MYO3A: variants seen among roughly 807,000 people sequenced by gnomAD.
MYO3A encodes myosin-IIIa.
In MYO3A, 180 loss-of-function variants were observed where a neutral mutation model predicts 192.7. That is an observed-to-expected ratio of 0.93 (90% CI 0.83 to 1.06). MYO3A has a LOEUF of 1.06. Ranked by LOEUF, MYO3A falls within the 50% of genes least tolerant of loss-of-function variation. MYO3A has a pLI of 0.00. For missense variants in MYO3A, 1,896 were observed against 1,905.0 expected (o/e 1.00, Z 0.09); for synonymous variants, 628 against 645.3 (o/e 0.97, Z 0.41).
intron 6 of MYO3A, among the ~76,000 whole-genome samples, chr10:26,012,699 CA>C (rs1439545686): frequency 1.3e-5 from 2 of 151,892 alleles, no homozygotes; most frequent in Non-Finnish European, 2.9e-5. Context: ...CCATTCCCAT[CA>C]AAATACCAAT....
chr10:26,154,543 G>A (rs574556599), intron 24 of MYO3A, among the ~76,000 whole-genome samples: 27 of 152,276 alleles, frequency 1.8e-4, no homozygotes, highest in South Asian at 1.7e-3. Context: ...GAAGATGAGA[G>A]ATATTCACAG....
intron 23 of MYO3A, among the ~76,000 whole-genome samples, chr10:26,151,259 C>A (rs1840773373): frequency 6.6e-6 from 1 of 152,132 alleles, no homozygotes. Flanking sequence ...CTATCAATTA[C>A]TGAGAGAGGG....
At chr10:26,198,798 C>A (rs1283088129) in intron 32 of MYO3A, among the ~76,000 whole-genome samples, 1 of 152,278 alleles carries the variant, frequency 6.6e-6, no homozygotes, top group Middle Eastern at 3.4e-3. Context: ...AGAAAATCTA[C>A]GTGAGTCATG....
At chr10:26,157,546 T>C (rs1480192463) in intron 26 of MYO3A, 31 bp downstream of exon 26, 1 of 1,590,232 alleles carries the variant, frequency 6.3e-7, no homozygotes, top group Admixed American at 1.7e-5. Flanking sequence ...GTTTCTATTG[T>C]GCAGTTTATA....
chr10:26,088,702 T>G (rs1474499253), intron 15 of MYO3A, among the ~76,000 whole-genome samples: 1 of 152,172 alleles, frequency 6.6e-6, no homozygotes, highest in African/African-American at 2.4e-5. Flanking sequence ...AGAGAATATA[T>G]TTATCTATAC....
Position 26,176,693 on chromosome 10 carries a change from C to A in MYO3A, c.4294-8C>A. The A allele has an allele frequency of 6.2e-7, 1 of 1,606,452 alleles. No individual in the cohort carries two copies. Among genetic ancestry groups the A allele is most frequent in the South Asian group, 1.1e-5 (1 of 90,874 alleles). ...TTGATTTAACCTGACACATGACCTT[C>A]TTTTTAGATATCAAAGTTATCTGAA... On this transcript the variant is annotated splice_polypyrimidine_tract_variant and splice_region_variant and intron_variant, in intron 30 of 34. Coordinates refer to ENST00000642920, the MANE Select transcript of MYO3A (RefSeq NM_017433.5).
intron 4 of MYO3A, among the ~76,000 whole-genome samples, chr10:25,992,476 T>C (rs1253234219): frequency 6.6e-6 from 1 of 152,270 alleles, no homozygotes; most frequent in Non-Finnish European, 1.5e-5. Flanking sequence ...TTTGACTTCT[T>C]CTTTCCTAAT....
chr10:26,189,705 AAG>A (rs756979413), intron 31 of MYO3A, among the ~76,000 whole-genome samples: 12 of 152,210 alleles, frequency 7.9e-5, no homozygotes, highest in Admixed American at 1.3e-4. Flanking sequence ...TTGATGAAGA[AAG>A]AAAAAAGAGG....
chr10:25,995,771 C>A (rs1351527625), intron 4 of MYO3A, among the ~76,000 whole-genome samples: 3 of 152,216 alleles, frequency 2.0e-5, no homozygotes, highest in African/African-American at 7.2e-5. Flanking sequence ...AGGTCCACTC[C>A]AGACCCTGTT....
chr10:26,096,591 G>GA lies in MYO3A; in HGVS notation c.1687dup (p.Thr563AsnfsTer8). ...AGGTACCTACAAAATGACCACCTCA[G>GA]AACAGTACAAGACATCATGAATAAT... On this transcript the variant is annotated frameshift_variant, in exon 17 of 35. Transcript: ENST00000642920. LOFTEE classifies it high-confidence loss of function. 6.2e-7 allele frequency: 1 copy of GA among 1,604,758 alleles called. No homozygotes were observed. Among genetic ancestry groups the GA allele is most frequent in the Non-Finnish European group, 8.5e-7 (1 of 1,171,862 alleles).
intron 6 of MYO3A, among the ~76,000 whole-genome samples, chr10:26,006,118 G>T (rs906797395): frequency 2.0e-5 from 3 of 152,072 alleles, no homozygotes; most frequent in African/African-American, 7.2e-5. Context: ...AGGACTAGAT[G>T]CCCCAACTAG....
intron 14 of MYO3A, among the ~76,000 whole-genome samples, chr10:26,075,609 CAT>C (rs34387841): frequency 0.31 from 43,301 of 141,750 alleles, 7,235 homozygotes; most frequent in Middle Eastern, 0.45. Context: ...ATGTCTCTCT[CAT>C]ATATATATGA....
At chr10:26,083,035 G>A (rs1040634347) in intron 14 of MYO3A, among the ~76,000 whole-genome samples, 2 of 152,106 alleles carry the variant, frequency 1.3e-5, no homozygotes, top group African/African-American at 4.8e-5. Flanking sequence ...ATAGTAGACC[G>A]CAGCATACAA....
chr10:26,110,872 T>TTC (rs897354652), intron 17 of MYO3A, among the ~76,000 whole-genome samples: 5 of 149,424 alleles, frequency 3.3e-5, no homozygotes, highest in Admixed American at 1.3e-4. Flanking sequence ...TTCTTTTCTT[T>TTC]TTTTTTTTTT....
At position 26,068,835 on chromosome 10, in the gene MYO3A, T is replaced by G; in HGVS notation, c.1121T>G (p.Ile374Arg). 2 of 1,601,400 alleles carry G rather than the reference T, an allele frequency of 1.2e-6. No homozygotes were observed. The highest frequency in any genetic ancestry group is 2.2e-5 in the South Asian group (2 of 90,870). ...CAGATCTACGTCTATGTGGGAGACA[T>G]ACTCATTGCTCTTAACCCTTTTCAG... ...RDQIYVYVGD[I>R]LIALNPFQSL... The change falls in exon 12 of 35, where the codon ATA becomes AGA. Residue 374 changes from isoleucine (I) to arginine (R), a missense_variant. By Grantham distance (97) the Ile-to-Arg change is moderately conservative. Coordinates refer to ENST00000642920, the MANE Select transcript of MYO3A (RefSeq NM_017433.5).
chr10:26,153,510 TAAAG>T (rs1840921177), intron 23 of MYO3A, among the ~76,000 whole-genome samples: 1 of 152,232 alleles, frequency 6.6e-6, no homozygotes, highest in South Asian at 2.1e-4. Flanking sequence ...TAGCCTGTGT[TAAAG>T]AAAATCTCAG....
At chr10:25,971,928 C>T (rs896486648) in intron 4 of MYO3A, among the ~76,000 whole-genome samples, 4 of 152,194 alleles carry the variant, frequency 2.6e-5, no homozygotes, top group East Asian at 1.9e-4. Context: ...TTGTAACCTC[C>T]GCCTCCCGGG....
At chr10:26,198,851 G>A (rs1843542232) in intron 32 of MYO3A, among the ~76,000 whole-genome samples, 1 of 152,116 alleles carries the variant, frequency 6.6e-6, no homozygotes, top group South Asian at 2.1e-4. Flanking sequence ...GGTTCTACAG[G>A]AAATTGCCAT....
intron 4 of MYO3A, among the ~76,000 whole-genome samples, chr10:25,995,776 C>G (rs919701275): frequency 6.6e-6 from 1 of 152,176 alleles, no homozygotes; most frequent in African/African-American, 2.4e-5. Context: ...CACTCCAGAC[C>G]CTGTTTGCCT....
Sources: gnomAD v4.1 joint callset for allele counts (sites outside exome capture counted in the v4.1 genomes callset) on GRCh38, gnomAD v4.1.1 for gene constraint, MANE v1.5 for transcripts, NCBI Gene and HGNC (gene_info 2026-07-23, HGNC 2026-07-21) for gene names.